METTL24: variants seen among roughly 807,000 people sequenced by gnomAD.
METTL24 encodes probable methyltransferase-like protein 24.
Under a neutral mutation model 32.7 loss-of-function variants are expected in METTL24, and 29 were observed. That is an observed-to-expected ratio of 0.89 (90% CI 0.66 to 1.21). METTL24 has a LOEUF of 1.21. Among genes scored for constraint, METTL24 ranks in the 50% most tolerant of loss-of-function variants. METTL24 has a pLI of 0.00. For missense variants in METTL24, 439 were observed against 468.1 expected, an observed-to-expected ratio of 0.94 and a Z score of 0.57; for synonymous variants, 163 against 179.5, an observed-to-expected ratio of 0.91 and a Z score of 0.73.
In METTL24 at chr6:110,299,165, G is replaced by A. The variant is rs1424777243; in HGVS notation, c.558-15C>T. 3 of 1,607,982 alleles carry A rather than the reference G, an allele frequency of 1.9e-6. No individual in the cohort carries two copies. Among genetic ancestry groups the A allele is most frequent in the Non-Finnish European group, 2.5e-6 (3 of 1,176,654 alleles). ...CACTTCCTAGCCTATAAAGAAAGAGGACGGAAATCAACAACAAAAAATGCA... is the reference window on the plus strand; with the variant it reads ...CACTTCCTAGCCTATAAAGAAAGAGAACGGAAATCAACAACAAAAAATGCA... On this transcript the variant is annotated splice_polypyrimidine_tract_variant and intron_variant, in intron 3 of 4. Coordinates refer to ENST00000338882, the MANE Select transcript of METTL24 (RefSeq NM_001123364.3).
chr6:110,341,862 C>A (rs981958835), intron 1 of METTL24, among the ~76,000 whole-genome samples: 18 of 152,200 alleles, frequency 1.2e-4, no homozygotes, highest in Non-Finnish European at 2.1e-4. Flanking sequence ...ACAGAGCAAG[C>A]CTTTGTAGGC....
intron 4 of METTL24, among the ~76,000 whole-genome samples, chr6:110,246,818 T>C (rs1778173274): frequency 6.6e-6 from 1 of 151,770 alleles, no homozygotes; most frequent in African/African-American, 2.4e-5. Context: ...GCAGGCCTCA[T>C]CCCCCCAACC....
intron 4 of METTL24, among the ~76,000 whole-genome samples, chr6:110,257,753 T>G (rs1298633525): frequency 6.6e-6 from 1 of 152,242 alleles, no homozygotes; most frequent in Non-Finnish European, 1.5e-5. Flanking sequence ...CGCACAGCAC[T>G]CAGCCTCAGC....
intron 4 of METTL24, among the ~76,000 whole-genome samples, chr6:110,258,521 G>A (rs7759734): frequency 2.0e-5 from 3 of 152,070 alleles, no homozygotes; most frequent in African/African-American, 7.2e-5. Flanking sequence ...AGATGGATGG[G>A]TGGGTGGGTG....
At chr6:110,281,368 T>C (rs1221361736) in intron 4 of METTL24, among the ~76,000 whole-genome samples, 2 of 152,030 alleles carry the variant, frequency 1.3e-5, no homozygotes, top group Non-Finnish European at 2.9e-5. Context: ...ATTTAACACA[T>C]TGAGTGGCTC....
At chr6:110,271,970 T>C (rs75077357) in intron 4 of METTL24, among the ~76,000 whole-genome samples, 98 of 152,326 alleles carry the variant, frequency 6.4e-4, no homozygotes, top group African/African-American at 2.3e-3. Context: ...CCTTTAAAAA[T>C]AAATCATTCA....
intron 4 of METTL24, among the ~76,000 whole-genome samples, chr6:110,263,570 C>T (rs1770795342): frequency 6.6e-6 from 1 of 152,170 alleles, no homozygotes; most frequent in Admixed American, 6.6e-5. Context: ...GATTCAATGC[C>T]ATCCCCATCG....
At chr6:110,328,274 T>C (rs1582428803) in intron 1 of METTL24, among the ~76,000 whole-genome samples, 1 of 152,344 alleles carries the variant, frequency 6.6e-6, no homozygotes, top group East Asian at 1.9e-4. Context: ...CCTTTCAGTT[T>C]TGCAAAGGCC....
intron 4 of METTL24, among the ~76,000 whole-genome samples, chr6:110,281,405 G>C (rs1771132918): frequency 6.6e-6 from 1 of 152,118 alleles, no homozygotes; most frequent in African/African-American, 2.4e-5. Context: ...CACTTTGGGA[G>C]GCCGAGGCGG....
At position 110,246,247 on chromosome 6, in the gene METTL24, T is replaced by C. The variant is rs765214159; in HGVS notation, c.800A>G (p.Lys267Arg). The C allele has an allele frequency of 6.2e-7, 1 of 1,607,520 alleles. No homozygotes were observed. The highest frequency in any genetic ancestry group is 2.2e-5 in the East Asian group (1 of 44,770). ...CCATTCTGCACTTTCCAGATCTGCC[T>C]TGAGAACGTCAATCTGTAACAAAGC... ...EFGHHKIDVL[K>R]ADLESAEWKV... The change falls in exon 5 of 5, where the codon AAG becomes AGG. Residue 267 changes from lysine (K) to arginine (R), a missense_variant. Lys to Arg is a conservative substitution (Grantham distance 26). Coordinates refer to ENST00000338882, the MANE Select transcript of METTL24 (RefSeq NM_001123364.3).
intron 4 of METTL24, among the ~76,000 whole-genome samples, chr6:110,261,854 T>C (rs577828344): frequency 3.1e-4 from 47 of 152,152 alleles, no homozygotes; most frequent in African/African-American, 1.1e-3. Flanking sequence ...AACAACCTGC[T>C]CCTGAATGAC....
intron 2 of METTL24, among the ~76,000 whole-genome samples, chr6:110,319,418 G>GAGAT (rs10659634): frequency 0.4 from 59,135 of 148,546 alleles, 11,706 homozygotes; most frequent in African/African-American, 0.43. Flanking sequence ...TAGAGAGGTA[G>GAGAT]AGATAGATAG....
At chr6:110,331,351 A>G (rs1772106499) in intron 1 of METTL24, among the ~76,000 whole-genome samples, 1 of 135,258 alleles carries the variant, frequency 7.4e-6, no homozygotes, top group Non-Finnish European at 1.5e-5. Flanking sequence ...GCAGTGCAGG[A>G]AAAAAAAAAA....
intron 1 of METTL24, among the ~76,000 whole-genome samples, chr6:110,340,248 A>AG (rs957734642): frequency 7.3e-5 from 7 of 95,260 alleles, no homozygotes; most frequent in South Asian, 7.9e-4. Flanking sequence ...GGGGGTGGTG[A>AG]GGAGGGGTCC....
At chr6:110,265,603 G>A (rs1005727398) in intron 4 of METTL24, among the ~76,000 whole-genome samples, 1 of 152,132 alleles carries the variant, frequency 6.6e-6, no homozygotes, top group Non-Finnish European at 1.5e-5. Context: ...TTTCCTTAAA[G>A]GAAAAGGCTA....
chr6:110,334,260 T>C (rs946194997), intron 1 of METTL24, among the ~76,000 whole-genome samples: 2 of 152,170 alleles, frequency 1.3e-5, no homozygotes, highest in Non-Finnish European at 2.9e-5. Context: ...GGAAAGTGTT[T>C]CCTTTCCAGG....
At chr6:110,330,590 C>A (rs1341371262) in intron 1 of METTL24, among the ~76,000 whole-genome samples, 1 of 152,154 alleles carries the variant, frequency 6.6e-6, no homozygotes, top group East Asian at 1.9e-4. Context: ...AGACTGAGAA[C>A]TGAGCTAATA....
At chr6:110,335,651 T>A (rs933928398) in intron 1 of METTL24, among the ~76,000 whole-genome samples, 1 of 145,602 alleles carries the variant, frequency 6.9e-6, no homozygotes, top group Non-Finnish European at 1.5e-5. Context: ...AGACTTGAAC[T>A]CCTGGACTCA....
At chr6:110,339,461 T>A (rs545238638) in intron 1 of METTL24, among the ~76,000 whole-genome samples, 7 of 152,320 alleles carry the variant, frequency 4.6e-5, no homozygotes, top group Admixed American at 4.6e-4. Flanking sequence ...GCATTAGGTA[T>A]GGGTGAGGTA....
Sources: gnomAD v4.1 joint callset for allele counts (sites outside exome capture counted in the v4.1 genomes callset) on GRCh38, gnomAD v4.1.1 for gene constraint, MANE v1.5 for transcripts, NCBI Gene and HGNC (gene_info 2026-07-23, HGNC 2026-07-21) for gene names.